ASPHD1: variants seen among roughly 807,000 people sequenced by gnomAD.
ASPHD1 encodes the protein aspartate beta-hydroxylase domain containing 1.
Under a neutral mutation model 28.3 loss-of-function variants are expected in ASPHD1, and 20 were observed. The ratio of observed to expected loss-of-function variants is 0.71; its 90% CI spans 0.50 to 1.03. The LOEUF is 1.03. ASPHD1 is among the 50% of genes least tolerant of loss of function. ASPHD1 has a pLI of 0.00. For missense variants in ASPHD1, 479 were observed against 524.1 expected (o/e 0.91, Z 0.84); for synonymous variants, 240 against 221.2 (o/e 1.08, Z -0.75).
chr16:29,902,008 G>T, intron 1 of ASPHD1, 88 bp downstream of exon 1: 3 of 1,099,142 alleles, frequency 2.7e-6, no homozygotes, highest in Non-Finnish European at 3.6e-6. Context: ...CTGCTGTCTG[G>T]TTCTCATTGT....
Position 29,901,354 on chromosome 16 carries a change from C to A in ASPHD1, c.383C>A (p.Pro128Gln). ...GTGGGATGCTCGGAGGCCGGCGGGC[C>A]AAGCCCAGGGGGTCCTGGGGATCCC... The part of the protein sequence containing the change: ...GPVGCSEAGG[P>Q]SPGGPGDPGE... The change falls in exon 1 of 3, where the codon CCA becomes CAA. Residue 128 changes from proline (P) to glutamine (Q), a missense_variant. Pro to Gln is a moderately conservative substitution (Grantham distance 76). Coordinates refer to ENST00000308748, the MANE Select transcript of ASPHD1 (RefSeq NM_181718.4). This position sits in a 1 kb window ranked among gnomAD's most constrained non-coding sequence, Gnocchi z 5.1. 1 of 1,599,918 alleles carries A rather than the reference C, an allele frequency of 6.3e-7. No individual in the cohort carries two copies. The highest frequency in any genetic ancestry group is 8.5e-7 in the Non-Finnish European group (1 of 1,174,148).
At position 29,901,535 on chromosome 16, in the gene ASPHD1, C is replaced by G. The variant is rs552990789; in HGVS notation, c.564C>G (p.Gly188=). Residue 188 remains glycine (G), a synonymous_variant, in exon 1 of 3, where the codon GGC becomes GGG. Transcript: ENST00000308748. The surrounding 1 kb of genome is among the most constrained non-coding windows in gnomAD (Gnocchi z 5.1). ...GGGTCCTAGGTATTCAGCGCCCAGG[C>G]CTGCTTTTCCTACCAGACCTGCCTT... ...GPGVLGIQRP[G]LLFLPDLPSA... is the part of the protein sequence containing the mutation. 7 of 1,569,740 alleles carry G rather than the reference C, an allele frequency of 4.5e-6. No homozygotes were observed. In the African/African-American group the frequency reaches 9.5e-5, roughly 21 times the overall value.
At chr16:29,911,632 G>A (rs1370651149) in intron 3 of ASPHD1, 9 of 624,886 alleles carry the variant, frequency 1.4e-5, no homozygotes, top group Non-Finnish European at 2.8e-6. Context: ...TGATGACTGA[G>A]CTGAAGCTGA....
At chr16:29,911,676 TA>T in intron 3 of ASPHD1, 1 of 817,274 alleles carries the variant, frequency 1.2e-6, no homozygotes, top group East Asian at 2.7e-5. Context: ...GCGTCAGGGG[TA>T]AGAGGCGAAG....
intron 1 of ASPHD1, among the ~76,000 whole-genome samples, chr16:29,904,158 G>A (rs750278668): frequency 2.6e-5 from 3 of 116,444 alleles, no homozygotes; most frequent in Non-Finnish European, 6.3e-5. Context: ...ATAAAATAAC[G>A]GGTCTGGCCA....
At chr16:29,915,605 CAA>C (rs200326928) in intron 3 of ASPHD1, among the ~76,000 whole-genome samples, 60 of 118,696 alleles carry the variant, frequency 5.1e-4, no homozygotes, top group Admixed American at 4.5e-4. Flanking sequence ...TGAGCTATCT[CAA>C]AAAAAAAAAA....
downstream of ASPHD1, among the ~76,000 whole-genome samples, chr16:29,907,479 G>C (rs2068633366): frequency 6.6e-6 from 1 of 152,128 alleles, no homozygotes; most frequent in Admixed American, 6.6e-5. Context: ...GGAGGACTCA[G>C]TCATACACTT....
rs747087552 is a variant in ASPHD1 at position 29,911,871 on chromosome 16, G to A, written c.*62+5912G>A. ...TGTGCAGGAGCTTCACCACGGGCTG[G>A]CGGGGGAGAGAGGATGGACGAGAGG... is the stretch of plus-strand genomic sequence containing the variant. On this transcript the variant is annotated intron_variant and NMD_transcript_variant, in intron 3 of 3. Transcript: ENST00000414952. 11 of 1,612,402 alleles carry A rather than the reference G, an allele frequency of 6.8e-6. No homozygotes were observed. The East Asian group carries it at 2.5e-4, about 36-fold the overall frequency.
At chr16:29,918,980 G>C (rs1422585152) in intron 3 of ASPHD1, among the ~76,000 whole-genome samples, 1 of 152,164 alleles carries the variant, frequency 6.6e-6, no homozygotes, top group Middle Eastern at 3.4e-3. Context: ...TTTTAATAGA[G>C]ATGGGGTTTC....
At chr16:29,918,405 TAC>T (rs2068847243) in intron 3 of ASPHD1, among the ~76,000 whole-genome samples, 1 of 152,232 alleles carries the variant, frequency 6.6e-6, no homozygotes, top group Non-Finnish European at 1.5e-5. Context: ...GTGAAATACA[TAC>T]ATAATATTAC....
chr16:29,904,987 AG>A, intron 2 of ASPHD1, 22 bp downstream of exon 2: 2 of 1,553,284 alleles, frequency 1.3e-6, no homozygotes, highest in African/African-American at 1.4e-5. Flanking sequence ...CCCATTCTGC[AG>A]GGGGGATGAG....
At chr16:29,906,716 G>C (rs2068619555), downstream of ASPHD1, 2 of 690,958 alleles carry the variant, frequency 2.9e-6, no homozygotes, top group Non-Finnish European at 5.2e-6. Flanking sequence ...GTTGGGATGG[G>C]TGGAGAAGGG....
chr16:29,900,683 A>C lies in ASPHD1; in HGVS notation c.-289A>C. The C allele has an allele frequency of 1.9e-6, 1 of 519,258 alleles. No individual in the cohort carries two copies. The highest frequency in any genetic ancestry group is 3.5e-5 in the East Asian group (1 of 28,516). The allele number at this position is 519,258 out of a possible 1,614,324, so 32.2% of individuals were successfully genotyped here. ...GGAGAGAGCAGTGAGGCCGGAGAGA[A>C]AGAAGCTGCCGCGGAGGAAGACAGG... is the stretch of plus-strand genomic sequence containing the variant. On this transcript the variant is annotated 5_prime_UTR_variant, in exon 1 of 3. Transcript: ENST00000308748.
At chr16:29,916,444 G>C (rs2068811197) in intron 3 of ASPHD1, among the ~76,000 whole-genome samples, 1 of 152,126 alleles carries the variant, frequency 6.6e-6, no homozygotes, top group Non-Finnish European at 1.5e-5. Flanking sequence ...AGTCCTTCCA[G>C]CTTCTTCCCA....
intron 2 of ASPHD1, 146 bp from the exon 3 acceptor site, chr16:29,905,642 A>AC: frequency 2.2e-6 from 1 of 455,914 alleles, no homozygotes; most frequent in East Asian, 3.8e-5. Context: ...AAAAAAAAAA[A>AC]AAAAAAAAAA....
intron 1 of ASPHD1, among the ~76,000 whole-genome samples, chr16:29,903,885 C>A (rs540373035): frequency 6.6e-6 from 1 of 152,088 alleles, no homozygotes; most frequent in Admixed American, 6.6e-5. Context: ...GTCCTTGGGC[C>A]AGGAACGTCT....
intron 3 of ASPHD1, among the ~76,000 whole-genome samples, chr16:29,916,449 T>A (rs1374970112): frequency 6.6e-6 from 1 of 152,234 alleles, no homozygotes; most frequent in Non-Finnish European, 1.5e-5. Context: ...TTCCAGCTTC[T>A]TCCCACTTCT....
chr16:29,912,815 TC>T (rs1318927172), intron 3 of ASPHD1, among the ~76,000 whole-genome samples: 1 of 152,218 alleles, frequency 6.6e-6, no homozygotes, highest in Non-Finnish European at 1.5e-5. Context: ...ATCTGTCTCT[TC>T]CCACCTAGGA....
intron 3 of ASPHD1, chr16:29,913,440 G>A (rs1404857857): frequency 2.0e-5 from 3 of 152,202 alleles, no homozygotes; most frequent in Admixed American, 6.5e-5. Context: ...ACAAATGTGC[G>A]AGGGGAATTA....
Sources: allele counts gnomAD v4.1 joint callset (sites outside exome capture counted in the v4.1 genomes callset), GRCh38; gene constraint gnomAD v4.1.1; non-coding constraint Gnocchi (gnomAD v3.1); transcripts MANE v1.5; gene names NCBI Gene and HGNC (gene_info 2026-07-23, HGNC 2026-07-21).